The following USO1 variants were observed in gnomAD, a reference collection of about 807,000 sequenced individuals.
USO1 encodes USO1 vesicle transport factor.
A neutral mutation model predicts 124.5 loss-of-function variants in USO1; 57 were observed. The ratio of observed to expected loss-of-function variants is 0.46; its 90% CI spans 0.37 to 0.57. The LOEUF (loss-of-function observed/expected upper bound fraction) is 0.57. Among genes scored for constraint, USO1 ranks in the 20% least tolerant of loss-of-function variants. USO1 has a pLI of 0.00. For missense variants in USO1, 900 were observed against 1,040.6 expected (o/e 0.86, Z 1.86); for synonymous variants, 369 against 362.8 (o/e 1.02, Z -0.19).
intron 4 of USO1, among the ~76,000 whole-genome samples, chr4:75,761,377 A>G (rs1430195274): frequency 6.6e-6 from 1 of 152,174 alleles, no homozygotes; most frequent in Non-Finnish European, 1.5e-5. Context: ...GCACCTGTGA[A>G]TACCCACTGC....
chr4:75,780,639 A>ATT (rs1722193984), intron 8 of USO1, among the ~76,000 whole-genome samples: 1 of 69,460 alleles, frequency 1.4e-5, no homozygotes, highest in African/African-American at 5.2e-5. Context: ...ATAAATTTTG[A>ATT]CTTTTTTTTT....
intron 1 of USO1, among the ~76,000 whole-genome samples, chr4:75,747,432 G>A (rs191043802): frequency 2.6e-5 from 4 of 151,748 alleles, no homozygotes; most frequent in South Asian, 2.1e-4. Flanking sequence ...ATACCACCAC[G>A]CCCACTTAAT....
intron 1 of USO1, among the ~76,000 whole-genome samples, chr4:75,728,120 A>G (rs1201915435): frequency 6.6e-6 from 1 of 152,246 alleles, no homozygotes; most frequent in Non-Finnish European, 1.5e-5. Context: ...AACACTTTTT[A>G]AAGACTAGAA....
intron 23 of USO1, among the ~76,000 whole-genome samples, chr4:75,813,000 C>T (rs906567858): frequency 2.6e-5 from 4 of 151,974 alleles, no homozygotes; most frequent in Non-Finnish European, 5.9e-5. Context: ...GTAATCCCAG[C>T]TACTCGGGAG....
intron 1 of USO1, among the ~76,000 whole-genome samples, chr4:75,742,967 G>A (rs532103161): frequency 4.2e-4 from 63 of 151,668 alleles, no homozygotes; most frequent in Non-Finnish European, 8.2e-4. Context: ...TCCCATCTGG[G>A]AAAGTGAATA....
chr4:75,780,572 A>G (rs1722191221), intron 8 of USO1, among the ~76,000 whole-genome samples: 1 of 149,560 alleles, frequency 6.7e-6, no homozygotes, highest in Non-Finnish European at 1.5e-5. Flanking sequence ...TGCCCAGCCA[A>G]TAATATTGTT....
At chr4:75,738,720 A>G (rs369091339) in intron 1 of USO1, among the ~76,000 whole-genome samples, 57 of 151,970 alleles carry the variant, frequency 3.8e-4, no homozygotes, top group Non-Finnish European at 1.0e-4. Context: ...GGCTCAAGCA[A>G]TCTTCCTGGC....
At chr4:75,812,096 G>A (rs2149197923) in intron 22 of USO1, 64 bp from the exon 23 acceptor site, 1 of 1,539,622 alleles carries the variant, frequency 6.5e-7, no homozygotes, top group East Asian at 2.4e-5. Flanking sequence ...GAAACTATTT[G>A]TTAAAAACTC....
rs761468379 is a variant in USO1, at chr4:75,808,997, G to A, written c.2421G>A (p.Glu807=). ...CTCAGTTAAACTCACAATCTGTGGA[G>A]ATCACCAAACTACAGACAGAAAAGC... ...LKSQLNSQSV[E]ITKLQTEKQE... The change falls in exon 21 of 24, where the codon GAG becomes GAA. Residue 807 remains glutamate (E), a synonymous_variant. Coordinates refer to ENST00000514213, the MANE Select transcript of USO1 (RefSeq NM_003715.4). The A allele has an allele frequency of 1.2e-6, 2 of 1,605,378 alleles. No homozygotes were observed. The highest frequency in any genetic ancestry group is 2.7e-5 in the African/African-American group (2 of 74,718).
intron 1 of USO1, among the ~76,000 whole-genome samples, chr4:75,748,580 A>G (rs961846365): frequency 6.6e-6 from 1 of 152,232 alleles, no homozygotes; most frequent in Non-Finnish European, 1.5e-5. Context: ...AAGAGCATCC[A>G]GACATGGAAA....
In USO1 at chr4:75,806,491, T is replaced by G; in HGVS notation, c.2295T>G (p.Ser765=). ...TATTTTTGTGCTATTTGCAGAAATCTTCCCAAACATCTGGCACAAATGAAC... is the reference window on the plus strand; with the variant it reads ...TATTTTTGTGCTATTTGCAGAAATCGTCCCAAACATCTGGCACAAATGAAC... The part of the protein sequence containing the change: ...EKDSMIENMK[S]SQTSGTNEQS... The change falls in exon 20 of 24, where the codon TCT becomes TCG. Residue 765 remains serine (S), a synonymous_variant. Transcript: ENST00000514213. 1 of 1,557,392 alleles carries G rather than the reference T, an allele frequency of 6.4e-7. No homozygotes were observed. The highest frequency in any genetic ancestry group is 2.4e-5 in the East Asian group (1 of 41,810).
At chr4:75,741,673 C>A (rs1720965504) in intron 1 of USO1, among the ~76,000 whole-genome samples, 1 of 136,306 alleles carries the variant, frequency 7.3e-6, no homozygotes, top group Middle Eastern at 4.3e-3. Flanking sequence ...GGCGCAATAT[C>A]GGCTCACTGC....
chr4:75,765,653 C>CT (rs1553899567), intron 4 of USO1, among the ~76,000 whole-genome samples: 2 of 146,008 alleles, frequency 1.4e-5, no homozygotes, highest in African/African-American at 5.1e-5. Context: ...TTTTTTTTTC[C>CT]AACTCCATTC....
Position 75,724,734 on chromosome 4 carries a change from T to C in USO1, c.-86T>C, listed in dbSNP as rs540005055. 156 of 1,416,122 alleles carry C rather than the reference T, an allele frequency of 1.1e-4. No individual in the cohort carries two copies. Among genetic ancestry groups the C allele is most frequent in the Admixed American group, 2.4e-4 (13 of 53,316 alleles). 87.7% of individuals were successfully genotyped at this position (1,416,122 alleles called of 1,614,324 possible). ...CAGTAGGAGTGTGTAGAGTGCGGGA[T>C]TGGGGCCCAGGCCCTGCGGAGGGCG... On this transcript the variant is annotated 5_prime_UTR_variant, in exon 1 of 24. Transcript: ENST00000514213.
At chr4:75,752,634 T>C in intron 3 of USO1, 30 bp downstream of exon 3, 1 of 398,490 alleles carries the variant, frequency 2.5e-6, no homozygotes. Context: ...TTTTTTTCCC[T>C]AATTTTTCTT....
intron 13 of USO1, 106 bp from the exon 14 acceptor site, chr4:75,799,516 A>G (rs1722780664): frequency 1.6e-6 from 2 of 1,281,662 alleles, no homozygotes; most frequent in Admixed American, 5.2e-5. Context: ...CATCTCTTGT[A>G]AGATGTTAAA....
At chr4:75,795,434 G>A in intron 13 of USO1, 3 of 667,448 alleles carry the variant, frequency 4.5e-6, no homozygotes, top group East Asian at 5.5e-5. Context: ...TTGCTGATTG[G>A]TTTTTTTTTA....
At chr4:75,810,730 T>G (rs1437766773) in intron 22 of USO1, among the ~76,000 whole-genome samples, 191 bp downstream of exon 22, 1 of 152,122 alleles carries the variant, frequency 6.6e-6, no homozygotes, top group Non-Finnish European at 1.5e-5. Flanking sequence ...TTGGGTTTTT[T>G]TGTTTTGTTT....
intron 8 of USO1, among the ~76,000 whole-genome samples, chr4:75,778,769 G>A (rs1160060770): frequency 1.3e-5 from 2 of 152,078 alleles, no homozygotes; most frequent in Non-Finnish European, 2.9e-5. Flanking sequence ...GTAAACTGTG[G>A]ACTTTAATTA....
Sources: gnomAD v4.1 joint callset for allele counts (sites outside exome capture counted in the v4.1 genomes callset) on GRCh38, gnomAD v4.1.1 for gene constraint, MANE v1.5 for transcripts, NCBI Gene and HGNC (gene_info 2026-07-23, HGNC 2026-07-21) for gene names.